The following RAB3C variants were observed in gnomAD, a reference collection of about 807,000 sequenced individuals.
RAB3C encodes the protein RAB3C, member RAS oncogene family.
In RAB3C, 17 loss-of-function variants were observed where a neutral mutation model predicts 26.4. The ratio of observed to expected loss-of-function variants is 0.64; its 90% CI spans 0.44 to 0.97. The LOEUF (loss-of-function observed/expected upper bound fraction) is 0.97, where lower values mean the gene tolerates loss of function less well. Among genes scored for constraint, RAB3C ranks in the 50% least tolerant of loss-of-function variants. RAB3C has a pLI of 0.00. For synonymous variants in RAB3C, 91 were observed against 95.9 expected (o/e 0.95, Z 0.30); for missense variants, 242 against 281.9 (o/e 0.86, Z 1.01).
intron 4 of RAB3C, among the ~76,000 whole-genome samples, chr5:58,849,335 A>G (rs972362942): frequency 6.6e-6 from 1 of 152,130 alleles, no homozygotes; most frequent in African/African-American, 2.4e-5. Context: ...TATGACATAA[A>G]GCATCCTCCC....
At chr5:58,845,633 T>TGTGTGTGTGTG (rs1743980972) in intron 4 of RAB3C, among the ~76,000 whole-genome samples, 1 of 106,938 alleles carries the variant, frequency 9.4e-6, no homozygotes, top group Non-Finnish European at 2.2e-5. Flanking sequence ...TGTGTGTGTA[T>TGTGTGTGTGTG]ATGTATATAT....
intron 2 of RAB3C, among the ~76,000 whole-genome samples, chr5:58,622,019 T>C (rs557321841): frequency 6.6e-6 from 1 of 152,264 alleles, no homozygotes; most frequent in East Asian, 1.9e-4. Context: ...TTTGCAACAG[T>C]CTACATTCAA....
intron 3 of RAB3C, among the ~76,000 whole-genome samples, chr5:58,743,247 ACT>A (rs1741318086): frequency 6.6e-6 from 1 of 152,098 alleles, no homozygotes; most frequent in Admixed American, 6.6e-5. Flanking sequence ...TGGGGTAGGC[ACT>A]GTTTTTTGTT....
chr5:58,820,682 A>G (rs913505615), intron 3 of RAB3C, among the ~76,000 whole-genome samples: 1 of 152,238 alleles, frequency 6.6e-6, no homozygotes, highest in African/African-American at 2.4e-5. Context: ...GCAATTGTAG[A>G]AAATATTCAT....
chr5:58,755,856 A>T (rs1008771004), intron 3 of RAB3C, among the ~76,000 whole-genome samples: 3 of 152,222 alleles, frequency 2.0e-5, no homozygotes, highest in African/African-American at 7.2e-5. Context: ...ATTTTTAAGT[A>T]TGCAAAAGAA....
intron 3 of RAB3C, among the ~76,000 whole-genome samples, chr5:58,763,932 C>T (rs575453806): frequency 6.6e-6 from 1 of 152,284 alleles, no homozygotes; most frequent in South Asian, 2.1e-4. Context: ...AAGTCAGGAT[C>T]TCAGGGTCTG....
intron 2 of RAB3C, among the ~76,000 whole-genome samples, chr5:58,647,933 A>C (rs1019600976): frequency 6.6e-6 from 1 of 152,216 alleles, no homozygotes; most frequent in African/African-American, 2.4e-5. Flanking sequence ...TGTGGTTATC[A>C]TGTTTTGAAG....
chr5:58,847,813 C>A (rs1410360855), intron 4 of RAB3C, among the ~76,000 whole-genome samples: 1 of 152,124 alleles, frequency 6.6e-6, no homozygotes, highest in Non-Finnish European at 1.5e-5. Context: ...CAAGAGATCC[C>A]AGCATATCTG....
In RAB3C at chr5:58,857,758, T is replaced by C. The variant is rs1281216232; in HGVS notation, c.*6407T>C. The C allele has an allele frequency of 6.6e-6, 1 of 152,218 alleles. No individual in the cohort carries two copies. Among genetic ancestry groups the C allele is most frequent in the African/African-American group, 2.4e-5 (1 of 41,456 alleles). The allele number at this position is 152,218 out of a possible 1,614,324, so 9.4% of individuals were successfully genotyped here. A position where few individuals can be genotyped will look rare whatever the true frequency, so the allele number is the denominator to read the frequency against. ...AGAGGAACAAATCAGAATCATTAAA[T>C]ACTTTGTAATGCCATCATAAACTCA... is the stretch of plus-strand genomic sequence containing the variant. On this transcript the variant is annotated 3_prime_UTR_variant, in exon 5 of 5. Coordinates refer to ENST00000282878, the MANE Select transcript of RAB3C (RefSeq NM_138453.4).
intron 2 of RAB3C, among the ~76,000 whole-genome samples, chr5:58,705,145 A>G (rs1287467781): frequency 6.6e-6 from 1 of 152,196 alleles, no homozygotes; most frequent in East Asian, 1.9e-4. Context: ...CATTATATGT[A>G]ACACTAAAGG....
intron 3 of RAB3C, among the ~76,000 whole-genome samples, chr5:58,765,905 C>G (rs992384952): frequency 6.6e-6 from 1 of 152,042 alleles, no homozygotes; most frequent in Non-Finnish European, 1.5e-5. Flanking sequence ...AGTGAGTTCT[C>G]GTGAGATCTG....
At chr5:58,608,987 C>T (rs1275873804) in intron 1 of RAB3C, among the ~76,000 whole-genome samples, 3 of 151,954 alleles carry the variant, frequency 2.0e-5, no homozygotes, top group East Asian at 1.9e-4. Context: ...GGGAATTGAA[C>T]AATGAGAACA....
At chr5:58,582,809 G>C (rs1361246798), upstream of RAB3C, among the ~76,000 whole-genome samples, 1 of 152,208 alleles carries the variant, frequency 6.6e-6, no homozygotes, top group African/African-American at 2.4e-5. Context: ...AGATAAGCTG[G>C]GGTCACATTC....
chr5:58,669,507 C>G (rs1013882963), intron 2 of RAB3C, among the ~76,000 whole-genome samples: 1 of 152,124 alleles, frequency 6.6e-6, no homozygotes, highest in Non-Finnish European at 1.5e-5. Flanking sequence ...GTAACACTAA[C>G]AGTGATGGTG....
At chr5:58,825,646 A>G (rs1254137550) in intron 4 of RAB3C, among the ~76,000 whole-genome samples, 2 of 152,200 alleles carry the variant, frequency 1.3e-5, no homozygotes, top group East Asian at 1.9e-4. Context: ...TAGTCACCCC[A>G]TCTCTCCAGA....
intron 2 of RAB3C, among the ~76,000 whole-genome samples, chr5:58,634,140 C>CAA (rs34850062): frequency 2.2e-5 from 3 of 136,148 alleles, no homozygotes; most frequent in South Asian, 4.6e-4. Flanking sequence ...GACTCCATCT[C>CAA]AAAAAAAAAA....
rs191516865 is a variant in RAB3C, at chr5:58,763,333, T to C, written c.371+37213T>C. 2.1e-3 allele frequency among the ~76,000 whole-genome samples: 324 copies of C among 152,358 alleles called. 1 individual carries two copies. The highest frequency in any genetic ancestry group is 7.5e-3 in the African/African-American group (311 of 41,590). On this transcript the variant is annotated intron_variant, in intron 3 of 4. Transcript: ENST00000282878. ...AATCATGGGCAGGTCAGAGAGATTA[T>C]GCTTCATGTCTGCTGATAAACCAAG...
At chr5:58,609,234 G>A (rs1373946156) in intron 1 of RAB3C, among the ~76,000 whole-genome samples, 1 of 152,120 alleles carries the variant, frequency 6.6e-6, no homozygotes, top group Non-Finnish European at 1.5e-5. Context: ...TGGATGCTCA[G>A]TGTGGACCAG....
At chr5:58,616,397 A>G (rs1459531321) in intron 1 of RAB3C, among the ~76,000 whole-genome samples, 1 of 152,180 alleles carries the variant, frequency 6.6e-6, no homozygotes, top group Non-Finnish European at 1.5e-5. Flanking sequence ...ATTGCCAAAT[A>G]ATTTATAGCA....
Sources: gnomAD v4.1 joint callset for allele counts (sites outside exome capture counted in the v4.1 genomes callset) on GRCh38, gnomAD v4.1.1 for gene constraint, MANE v1.5 for transcripts, NCBI Gene and HGNC (gene_info 2026-07-23, HGNC 2026-07-21) for gene names.